Variants in JAML observed in about 807,000 individuals in gnomAD.
JAML encodes junctional adhesion molecule-like.
Under a neutral mutation model 39.3 loss-of-function variants are expected in JAML, and 25 were observed. The observed-to-expected ratio is 0.64, with a 90% CI of 0.46 to 0.89. JAML has a LOEUF of 0.89. Ranked by LOEUF, JAML falls within the 40% of genes least tolerant of loss-of-function variation. The probability of loss-of-function intolerance (pLI) is 0.00; values close to 1 mark genes in which losing one functional copy is unlikely to be tolerated. For synonymous variants in JAML, 162 were observed against 179.2 expected, an observed-to-expected ratio of 0.90 and a Z score of 0.77; for missense variants, 440 against 486.9, an observed-to-expected ratio of 0.90 and a Z score of 0.91.
chr11:118,203,147 T>C (rs925987342), intron 6 of JAML: 3 of 580,194 alleles, frequency 5.2e-6, no homozygotes, highest in Admixed American at 4.3e-5. Context: ...TAGATGACCC[T>C]GGCAATGAGT....
At chr11:118,198,430 A>C (rs1948705770) in intron 7 of JAML, among the ~76,000 whole-genome samples, 1 of 152,324 alleles carries the variant, frequency 6.6e-6, no homozygotes, top group South Asian at 2.1e-4. Flanking sequence ...CATCCTGTCT[A>C]CATTTCTGAG....
chr11:118,215,974 G>C (rs904298058), intron 1 of JAML, among the ~76,000 whole-genome samples: 4 of 152,298 alleles, frequency 2.6e-5, no homozygotes, highest in African/African-American at 9.6e-5. Context: ...TTCCACCTCA[G>C]AATCTGCTAA....
At chr11:118,199,235 G>A (rs1424990053) in intron 7 of JAML, among the ~76,000 whole-genome samples, 4 of 152,178 alleles carry the variant, frequency 2.6e-5, no homozygotes, top group African/African-American at 9.7e-5. Flanking sequence ...GACTAGACAT[G>A]GAAGTGCTAC....
intron 8 of JAML, 179 bp downstream of exon 8, chr11:118,197,819 C>A: frequency 1.7e-6 from 1 of 593,602 alleles, no homozygotes; most frequent in South Asian, 2.0e-5. Context: ...CAGCCGACCC[C>A]ATGCACTGTA....
At chr11:118,210,285 A>G (rs1949020740) in intron 4 of JAML, among the ~76,000 whole-genome samples, 1 of 152,234 alleles carries the variant, frequency 6.6e-6, no homozygotes, top group South Asian at 2.1e-4. Context: ...TTAAAGTAAT[A>G]ATACAATAAT....
chr11:118,218,708 T>C (rs1308128074), intron 1 of JAML, among the ~76,000 whole-genome samples: 1 of 152,216 alleles, frequency 6.6e-6, no homozygotes, highest in Non-Finnish European at 1.5e-5. Context: ...TATCTATATA[T>C]TCACCAACAC....
intron 2 of JAML, chr11:118,213,445 T>A: frequency 4.1e-5 from 18 of 435,042 alleles, no homozygotes; most frequent in East Asian, 1.6e-4. Context: ...AACAGTAGGC[T>A]CACACAGCAG....
Position 118,194,395 on chromosome 11 carries a change from C to T in JAML, c.1115G>A (p.Arg372Lys), listed in dbSNP as rs770575630. The T allele has an allele frequency of 6.2e-7, 1 of 1,614,066 alleles. No individual in the cohort carries two copies. Among genetic ancestry groups the T allele is most frequent in the Non-Finnish European group, 8.5e-7 (1 of 1,179,984 alleles). ...MTMHPVWPSL[R>K]SDRNNSLEKK... is the part of the protein sequence containing the mutation. ...TTCAAGTGAGTTGTTCCGATCTGACCTCAGAGAAGGCCAAACTGGGTGCTG... is the reference window on the plus strand; with the variant it reads ...TTCAAGTGAGTTGTTCCGATCTGACTTCAGAGAAGGCCAAACTGGGTGCTG... The change falls in exon 10 of 10, where the codon AGG becomes AAG. Residue 372 changes from arginine (R) to lysine (K), a missense_variant. By Grantham distance (26) the Arg-to-Lys change is conservative (BLOSUM62 2). Coordinates refer to ENST00000356289, the MANE Select transcript of JAML (RefSeq NM_001098526.2).
Position 118,194,344 on chromosome 11 carries a change from T to G in JAML, c.1166A>C (p.Lys389Thr), listed in dbSNP as rs1233310224. ...LEKKSGGGMP[K>T]TQQAF ...TTCTTCTCAAAAGGCTTGCTGTGTT[T>G]TTGGCATTCCCCCACCTGACTTTTT... The change falls in exon 10 of 10, where the codon AAA becomes ACA. Residue 389 changes from lysine to threonine, a missense_variant. Physicochemically the swap from Lys to Thr is moderately conservative, Grantham distance 78. Transcript: ENST00000356289. 6.2e-7 allele frequency: 1 copy of G among 1,614,022 alleles called. No individual in the cohort carries two copies.
At chr11:118,210,463 C>T (rs1186651322) in intron 4 of JAML, 24 bp downstream of exon 4, 3 of 1,611,786 alleles carry the variant, frequency 1.9e-6, no homozygotes, top group East Asian at 2.2e-5. Flanking sequence ...CCCTTGGCCC[C>T]TCTTTAAGTA....
intron 3 of JAML, 125 bp downstream of exon 3, chr11:118,212,282 A>T: frequency 8.2e-7 from 1 of 1,224,832 alleles, no homozygotes; most frequent in South Asian, 1.6e-5. Flanking sequence ...CAGTTCTGAT[A>T]ATCTCCAAAG....
Position 118,210,577 on chromosome 11 carries a change from C to T in JAML, c.334G>A (p.Gly112Arg), listed in dbSNP as rs550991608. 3.1e-6 allele frequency: 5 copies of T among 1,614,062 alleles called. No homozygotes were observed. Among genetic ancestry groups the T allele is most frequent in the Non-Finnish European group, 3.4e-6 (4 of 1,180,018 alleles). Residue 112 changes from glycine (G) to arginine (R), a missense_variant, in exon 4 of 10, where the codon GGA becomes AGA. By Grantham distance (125) the Gly-to-Arg change is moderately radical (BLOSUM62 -2). Transcript: ENST00000356289. The part of the protein sequence containing the change: ...LLQDVQEADQ[G>R]TYICEIRLKG... ...AGGCGGATTTCACAGATATAGGTTC[C>T]CTGGTCAGCCTCTTGCACATCTTGG...
In JAML at chr11:118,198,052, C is replaced by G. The variant is rs772007808; in HGVS notation, c.951G>C (p.Lys317Asn). Residue 317 changes from lysine to asparagine, a missense_variant, in exon 8 of 10, where the codon AAG becomes AAC. Transcript: ENST00000356289. Reference sequence around the variant, plus strand: ...GTTTTTCTTTTATCTCTGGATTAGTCTTCTTCGTGTTCTTCACCAAGACTG... The same window carrying G: ...GTTTTTCTTTTATCTCTGGATTAGTGTTCTTCGTGTTCTTCACCAAGACTG... ...NSTVLVKNTK[K>N]TNPEIKEKPC... 6.2e-7 allele frequency: 1 copy of G among 1,614,038 alleles called. No individual in the cohort carries two copies. The highest frequency in any genetic ancestry group is 8.5e-7 in the Non-Finnish European group (1 of 1,180,004).
chr11:118,217,286 G>A (rs1949157082), intron 1 of JAML, among the ~76,000 whole-genome samples: 3 of 152,158 alleles, frequency 2.0e-5, no homozygotes, highest in Non-Finnish European at 2.9e-5. Context: ...AGCAGTCCCC[G>A]CTCCACTCTA....
At chr11:118,223,094 CAA>C (rs56175225) in intron 1 of JAML, among the ~76,000 whole-genome samples, 25,903 of 92,154 alleles carry the variant, frequency 0.28, 2,001 homozygotes, top group African/African-American at 0.44. Context: ...GACTCTGTCT[CAA>C]AAAAAAAAAA....
intron 9 of JAML, 102 bp from the exon 10 acceptor site, chr11:118,194,519 G>C: frequency 1.1e-6 from 1 of 895,056 alleles, no homozygotes; most frequent in Non-Finnish European, 1.8e-6. Flanking sequence ...GCCCGGCCCA[G>C]TACTGAATTT....
chr11:118,198,130 C>A (rs1948699812), intron 7 of JAML, 39 bp from the exon 8 acceptor site: 1 of 1,556,540 alleles, frequency 6.4e-7, no homozygotes, highest in Non-Finnish European at 8.9e-7. Context: ...AACCAGCGGG[C>A]ATGGTTTATT....
chr11:118,197,886 A>G lies in JAML; in HGVS notation c.1005+112T>C, dbSNP rs924289505. 4 of 974,190 alleles carry G rather than the reference A, an allele frequency of 4.1e-6. No homozygotes were observed. In the African/African-American group the frequency reaches 4.9e-5, roughly 12 times the overall value. The allele number at this position is 974,190 out of a possible 1,614,324, so 60.3% of individuals were successfully genotyped here. ...GCTTCCTGAGTCCCTGCTCTGTGCC[A>G]AGCACTGGCCTGCAAGCTGCGACAT... is the stretch of plus-strand genomic sequence containing the variant. On this transcript the variant is annotated intron_variant, in intron 8 of 9. Transcript: ENST00000356289.
In JAML at chr11:118,210,663, C is replaced by T. The variant is rs767380721; in HGVS notation, c.248G>A (p.Arg83His). The T allele has an allele frequency of 5.6e-6, 9 of 1,614,046 alleles. No individual in the cohort carries two copies. The highest frequency in any genetic ancestry group is 1.3e-5 in the African/African-American group (1 of 74,902). The change falls in exon 4 of 10, where the codon CGC becomes CAC. Residue 83 changes from arginine to histidine, a missense_variant. Transcript: ENST00000356289. ...YYSNLSVPIGRFQNRVHLMGD... is the reference protein window; with the variant it reads ...YYSNLSVPIGHFQNRVHLMGD... ...CATCAAGTGTACGCGGTTCTGGAAG[C>T]GCCCAATAGGCACACTGAGATTGGA...
Sources: gnomAD v4.1 joint callset for allele counts (sites outside exome capture counted in the v4.1 genomes callset) on GRCh38, gnomAD v4.1.1 for gene constraint, MANE v1.5 for transcripts, NCBI Gene and HGNC (gene_info 2026-07-23, HGNC 2026-07-21) for gene names.